TYW2: variants seen among roughly 807,000 people sequenced by gnomAD.
TYW2 encodes the protein tRNA wybutosine-synthesizing protein 2, also known as tRNA wybutosine-synthesizing protein 2 homolog.
At chr8:124,451,848 C>A in the TYW2 span, 3 of 1,614,132 alleles carry the variant, frequency 1.9e-6, no homozygotes, top group Non-Finnish European at 1.7e-6. Flanking sequence ...ATAGGGTGAT[C>A]CTGGGGCTGA....
the TYW2 span, chr8:124,451,350 G>C: frequency 1.3e-5 from 21 of 1,614,072 alleles, no homozygotes; most frequent in South Asian, 2.2e-4. Flanking sequence ...GTAATCTCTT[G>C]TTGCTGAGTG....
At chr8:124,450,900 T>C in the TYW2 span, 1 of 1,593,668 alleles carries the variant, frequency 6.3e-7, no homozygotes, top group Admixed American at 1.7e-5. Context: ...GTGAGCCGAC[T>C]CTGAGGAGAT....
chr8:124,452,956 A>T, the TYW2 span: 5 of 167,116 alleles, frequency 3.0e-5, no homozygotes, highest in Non-Finnish European at 5.9e-5. Context: ...GTGTATTTCC[A>T]TTCCCTTACT....
At chr8:124,451,017 C>T in the TYW2 span, 1 of 1,614,072 alleles carries the variant, frequency 6.2e-7, no homozygotes, top group Middle Eastern at 1.6e-4. Context: ...CTTGGTTTAC[C>T]CAGCGATACA....
At chr8:124,451,914 T>C in the TYW2 span, 1 of 1,614,090 alleles carries the variant, frequency 6.2e-7, no homozygotes, top group Non-Finnish European at 8.5e-7. Context: ...GGCAGGATGC[T>C]GGAGGCATTT....
At chr8:124,452,166 A>G in the TYW2 span, 817 of 1,614,220 alleles carry the variant, frequency 5.1e-4, 5 homozygotes, top group African/African-American at 9.3e-3. Context: ...TGCATGGGAA[A>G]CCATGGAAGA....
the TYW2 span, chr8:124,450,953 A>G: frequency 4.3e-6 from 7 of 1,614,084 alleles, no homozygotes; most frequent in Non-Finnish European, 5.9e-6. Context: ...GTTGTTAGCA[A>G]CATGGAGAGA....
chr8:124,451,293 G>T, the TYW2 span: 1 of 1,614,198 alleles, frequency 6.2e-7, no homozygotes, highest in Non-Finnish European at 8.5e-7. Flanking sequence ...GAGTCAAGTG[G>T]TCAGCCGAGT....
At chr8:124,450,970 G>A in the TYW2 span, 1 of 1,614,136 alleles carries the variant, frequency 6.2e-7, no homozygotes, top group Middle Eastern at 1.7e-4. Context: ...GAGAGAAAGT[G>A]GGAAGCCCGT....
the TYW2 span, chr8:124,451,461 G>A: frequency 1.2e-6 from 2 of 1,614,168 alleles, no homozygotes; most frequent in Non-Finnish European, 1.7e-6. Flanking sequence ...AACGAGGGCG[G>A]GTATCACCGG....
chr8:124,451,693 G>C, the TYW2 span: 1 of 1,614,204 alleles, frequency 6.2e-7, no homozygotes, highest in Non-Finnish European at 8.5e-7. Context: ...CCTAGTTCAT[G>C]CTGGTGCTGC....
chr8:124,451,324 T>G, the TYW2 span: 2 of 1,614,142 alleles, frequency 1.2e-6, no homozygotes, highest in Non-Finnish European at 1.7e-6. Flanking sequence ...TTTGCCCCGA[T>G]CATGGCAACG....
At chr8:124,452,307 G>A in the TYW2 span, 7 of 1,597,886 alleles carry the variant, frequency 4.4e-6, no homozygotes, top group South Asian at 2.2e-5. Context: ...TGGGATCCAC[G>A]TGCGAGTGGC....
At chr8:124,450,983 C>T in the TYW2 span, 4 of 1,614,128 alleles carry the variant, frequency 2.5e-6, no homozygotes, top group South Asian at 4.4e-5. Flanking sequence ...AAGCCCGTGG[C>T]TGTTGTCGCA....
the TYW2 span, chr8:124,451,521 G>T: frequency 6.2e-7 from 1 of 1,614,192 alleles, no homozygotes; most frequent in Non-Finnish European, 8.5e-7. Context: ...ACCATGGCTG[G>T]GTAGAGCATG....
chr8:124,452,236 C>T, the TYW2 span: 8 of 1,614,126 alleles, frequency 5.0e-6, no homozygotes, highest in Non-Finnish European at 6.8e-6. Context: ...TCACATAGTC[C>T]TGGATCTGGA....
the TYW2 span, chr8:124,451,836 A>T: frequency 6.2e-7 from 1 of 1,614,186 alleles, no homozygotes; most frequent in Admixed American, 1.7e-5. Flanking sequence ...CAAATATTGC[A>T]GATAGGGTGA....
At chr8:124,451,095 G>A in the TYW2 span, 5 of 1,614,078 alleles carry the variant, frequency 3.1e-6, no homozygotes, top group Admixed American at 3.3e-5. Context: ...CGGATGGCTC[G>A]GTGGCGCTAC....
At chr8:124,452,131 C>G in the TYW2 span, 10 of 1,614,108 alleles carry the variant, frequency 6.2e-6, no homozygotes, top group Non-Finnish European at 5.1e-6. Flanking sequence ...TGCAGAAACT[C>G]GAATCGCCAC....
Sources: allele counts gnomAD v4.1 joint callset, GRCh38; gene constraint gnomAD v4.1.1; transcripts MANE v1.5; gene names NCBI Gene and HGNC (gene_info 2026-07-23, HGNC 2026-07-21).